PDCD6: variants seen among roughly 807,000 people sequenced by gnomAD.
PDCD6 encodes the protein programmed cell death 6, also known as programmed cell death protein 6.
PDCD6 carries 12 observed loss-of-function variants against 28.3 expected under a neutral mutation model. The observed-to-expected ratio is 0.42, with a 90% CI of 0.27 to 0.69. The LOEUF (loss-of-function observed/expected upper bound fraction) is 0.69, where lower values mean the gene tolerates loss of function less well. Ranked by LOEUF, PDCD6 falls within the 30% of genes least tolerant of loss-of-function variation. PDCD6 has a pLI of 0.22. For missense variants in PDCD6, 226 were observed against 269.9 expected (o/e 0.84, Z 1.14); for synonymous variants, 92 against 108.0 (o/e 0.85, Z 0.92).
At chr5:273,935 G>GTT (rs34990391) in intron 2 of PDCD6, among the ~76,000 whole-genome samples, 2 of 146,106 alleles carry the variant, frequency 1.4e-5, no homozygotes, top group Non-Finnish European at 1.5e-5. Context: ...TTAAATCCTC[G>GTT]TTTTTTTTTT....
At chr5:291,141 T>C (rs567766541) in intron 2 of PDCD6, among the ~76,000 whole-genome samples, 195 of 152,234 alleles carry the variant, frequency 1.3e-3, no homozygotes, top group African/African-American at 4.6e-3. Flanking sequence ...CTTTAGTCTT[T>C]ATTATTCCCA....
intron 2 of PDCD6, among the ~76,000 whole-genome samples, chr5:280,372 G>A (rs1313672928): frequency 1.3e-5 from 2 of 152,120 alleles, no homozygotes; most frequent in African/African-American, 4.8e-5. Context: ...TGTGGGCTGT[G>A]GATGGTGCTG....
chr5:280,333 A>G (rs554765806), intron 2 of PDCD6, among the ~76,000 whole-genome samples: 46 of 152,302 alleles, frequency 3.0e-4, no homozygotes, highest in Non-Finnish European at 6.5e-4. Context: ...ACCTTAGGCC[A>G]GAGCAGAGGG....
rs139611660 is a variant in PDCD6 at position 295,388 on chromosome 5, G to A, written c.164-8789G>A. Among the ~76,000 whole-genome samples, 1,300 of 151,968 alleles carry A rather than the reference G, an allele frequency of 8.6e-3. 14 individuals are homozygous for A. Among genetic ancestry groups the A allele is most frequent in the African/African-American group, 0.03 (1,243 of 41,472 alleles). ...CTATAGGAAATAACATTTAAAAAGC[G>A]GCAGGGTGGAAATAATTTCTGCTGA... On this transcript the variant is annotated intron_variant, in intron 2 of 5. Transcript: ENST00000264933.
At chr5:276,718 G>T in intron 2 of PDCD6, 2 of 984,414 alleles carry the variant, frequency 2.0e-6, no homozygotes, top group Non-Finnish European at 2.4e-6. Flanking sequence ...CTACAAAATG[G>T]CCTGGTTTCT....
At chr5:278,499 C>G (rs1324261202) in intron 2 of PDCD6, among the ~76,000 whole-genome samples, 2 of 146,976 alleles carry the variant, frequency 1.4e-5, no homozygotes, top group Non-Finnish European at 3.0e-5. Flanking sequence ...TACTTGAGCT[C>G]AGGAATTTGA....
intron 2 of PDCD6, among the ~76,000 whole-genome samples, chr5:280,720 T>C (rs1269516234): frequency 1.8e-4 from 24 of 135,458 alleles, no homozygotes; most frequent in Non-Finnish European, 4.6e-5. Flanking sequence ...GTGAGGGCAC[T>C]GTAGGCTGTG....
At chr5:308,192 A>G (rs1040081230) in intron 4 of PDCD6, 1 of 152,234 alleles carries the variant, frequency 6.6e-6, no homozygotes, top group Non-Finnish European at 1.5e-5. Context: ...CTCTGGCGCC[A>G]CGGACATCTT....
chr5:298,158 G>A (rs1739739257), intron 2 of PDCD6, among the ~76,000 whole-genome samples: 1 of 152,184 alleles, frequency 6.6e-6, no homozygotes, highest in South Asian at 2.1e-4. Flanking sequence ...GTAATTCCCA[G>A]GCACGGGTCG....
At chr5:296,996 G>T (rs946259779) in intron 2 of PDCD6, among the ~76,000 whole-genome samples, 4 of 152,158 alleles carry the variant, frequency 2.6e-5, no homozygotes, top group Admixed American at 6.5e-5. Flanking sequence ...TGCTGGTCTG[G>T]GCATCTCACC....
chr5:279,217 C>CA (rs1738411092), intron 2 of PDCD6, among the ~76,000 whole-genome samples: 1 of 151,896 alleles, frequency 6.6e-6, no homozygotes, highest in Non-Finnish European at 1.5e-5. Context: ...AAGAGTATGA[C>CA]GCAGCCGCAT....
intron 2 of PDCD6, among the ~76,000 whole-genome samples, chr5:301,496 C>T (rs2096592795): frequency 6.6e-6 from 1 of 152,254 alleles, no homozygotes; most frequent in Admixed American, 6.5e-5. Context: ...TATACATATA[C>T]CTGTCTACTC....
At chr5:276,252 G>A (rs1433457774) in intron 2 of PDCD6, 13 of 1,141,332 alleles carry the variant, frequency 1.1e-5, no homozygotes, top group African/African-American at 3.3e-5. Flanking sequence ...AAGTGGATGC[G>A]CGCTGCTCCT....
intron 3 of PDCD6, chr5:304,439 T>A: frequency 2.0e-6 from 1 of 491,760 alleles, no homozygotes; most frequent in Non-Finnish European, 3.5e-6. Context: ...TTATTTTTAA[T>A]GTACGGTGTA....
intron 2 of PDCD6, among the ~76,000 whole-genome samples, chr5:280,805 G>T (rs1423612118): frequency 1.3e-5 from 2 of 151,252 alleles, no homozygotes; most frequent in Non-Finnish European, 2.9e-5. Flanking sequence ...ACTTTGGGCT[G>T]TGGATGGGAG....
chr5:283,208 G>A (rs1448557600), intron 2 of PDCD6, among the ~76,000 whole-genome samples: 3 of 151,808 alleles, frequency 2.0e-5, no homozygotes. Context: ...GGGTCATGCA[G>A]CTGAAGACTC....
chr5:289,816 C>A (rs1739207961), intron 2 of PDCD6: 1 of 1,271,928 alleles, frequency 7.9e-7, no homozygotes, highest in South Asian at 1.2e-5. Flanking sequence ...TGTCCCAGGC[C>A]CATTTACATT....
At chr5:276,561 C>T in intron 2 of PDCD6, 1 of 980,064 alleles carries the variant, frequency 1.0e-6, no homozygotes. Context: ...TCAGCCTATA[C>T]TAATATGAAT....
At chr5:282,949 G>T (rs1218504272) in intron 2 of PDCD6, among the ~76,000 whole-genome samples, 1 of 152,110 alleles carries the variant, frequency 6.6e-6, no homozygotes, top group Non-Finnish European at 1.5e-5. Context: ...AGGAGCTGAG[G>T]TTCTAGTTTG....
Sources: gnomAD v4.1 joint callset for allele counts (sites outside exome capture counted in the v4.1 genomes callset) on GRCh38, gnomAD v4.1.1 for gene constraint, MANE v1.5 for transcripts, NCBI Gene and HGNC (gene_info 2026-07-23, HGNC 2026-07-21) for gene names.